Variants in BNC2 observed in about 807,000 individuals in gnomAD.
BNC2 encodes the protein zinc finger protein basonuclin-2.
A neutral mutation model predicts 76.3 loss-of-function variants in BNC2; 20 were observed. That is an observed-to-expected ratio of 0.26 (90% CI 0.18 to 0.38). The LOEUF is 0.38. Ranked by LOEUF, BNC2 falls within the 10% of genes least tolerant of loss-of-function variation. The pLI, the probability that BNC2 is intolerant of heterozygous loss-of-function variation, is 1.00. For missense variants in BNC2, 1,382 were observed against 1,399.8 expected, an observed-to-expected ratio of 0.99 and a Z score of 0.20; for synonymous variants, 582 against 514.8, an observed-to-expected ratio of 1.13 and a Z score of -1.77.
intron 5 of BNC2, among the ~76,000 whole-genome samples, chr9:16,460,967 T>C (rs781419200): frequency 6.6e-6 from 1 of 151,818 alleles, no homozygotes; most frequent in Non-Finnish European, 1.5e-5. Flanking sequence ...AATATGACTG[T>C]ACAACTTGAT....
chr9:16,526,837 T>C (rs560922802), intron 5 of BNC2, among the ~76,000 whole-genome samples: 8 of 152,104 alleles, frequency 5.3e-5, no homozygotes, highest in African/African-American at 1.9e-4. Context: ...GTACCATCCA[T>C]GAAAAAACTT....
rs778384315 is a variant in BNC2 at position 16,738,351 on chromosome 9, C to A, written c.129+9G>T. 2.5e-6 allele frequency: 4 copies of A among 1,612,534 alleles called. No homozygotes were observed. The South Asian group carries it at 4.4e-5, about 18-fold the overall frequency. On this transcript the variant is annotated intron_variant, in intron 2 of 6. Transcript: ENST00000380672. ...GTAACTTAAAGGGGGAAAAAAAAAA[C>A]CAACATACCTCAATTTGAGATGTAT...
intron 3 of BNC2, among the ~76,000 whole-genome samples, chr9:16,605,529 C>T (rs1173017259): frequency 8.5e-5 from 13 of 152,236 alleles, no homozygotes; most frequent in African/African-American, 3.1e-4. Context: ...TAAGCTTCAA[C>T]ATTTTTCTTT....
chr9:16,785,517 C>G (rs958539445), intron 1 of BNC2, among the ~76,000 whole-genome samples: 5 of 151,478 alleles, frequency 3.3e-5, no homozygotes, highest in Non-Finnish European at 5.9e-5. Context: ...GCCTCAGCCT[C>G]CTGAGTTGCT....
At chr9:16,751,706 ATG>A (rs1825216853) in intron 1 of BNC2, among the ~76,000 whole-genome samples, 1 of 103,796 alleles carries the variant, frequency 9.6e-6, no homozygotes, top group African/African-American at 2.7e-5. Context: ...ATATATATAT[ATG>A]TATGTATATA....
intron 4 of BNC2, among the ~76,000 whole-genome samples, chr9:16,569,866 T>G (rs1018062544): frequency 6.6e-6 from 1 of 152,172 alleles, no homozygotes; most frequent in Non-Finnish European, 1.5e-5. Context: ...CTATCCAATC[T>G]CCAGTTGCCT....
intron 1 of BNC2, among the ~76,000 whole-genome samples, chr9:16,761,889 T>C (rs986462630): frequency 7.9e-5 from 12 of 152,148 alleles, no homozygotes; most frequent in African/African-American, 1.7e-4. Flanking sequence ...CCAAGTTACA[T>C]GTAAATGGTG....
intron 1 of BNC2, among the ~76,000 whole-genome samples, chr9:16,854,916 G>A (rs1026374514): frequency 1.3e-5 from 2 of 151,950 alleles, no homozygotes; most frequent in African/African-American, 4.8e-5. Flanking sequence ...TCACTGGAAA[G>A]AATTTCTCTA....
intron 5 of BNC2, among the ~76,000 whole-genome samples, chr9:16,513,456 G>C (rs370491920): frequency 5.9e-5 from 9 of 151,832 alleles, no homozygotes; most frequent in African/African-American, 2.2e-4. Context: ...ACAGGTGCCT[G>C]CCACCATGCC....
chr9:16,550,808 T>A (rs981768855), intron 5 of BNC2, among the ~76,000 whole-genome samples: 3 of 152,198 alleles, frequency 2.0e-5, no homozygotes, highest in African/African-American at 7.2e-5. Flanking sequence ...TGGTTTGGAA[T>A]AAAGAAAGGA....
In BNC2 at chr9:16,409,615, T is replaced by C. The variant is rs539544317; in HGVS notation, c.*9374A>G. On this transcript the variant is annotated 3_prime_UTR_variant, in exon 7 of 7. Transcript: ENST00000380672. ...TTCCATTTACATCCCCAAACCCTTA[T>C]GCATTTTATGCAAAAGACATACTGT... 2.4e-4 allele frequency: 37 copies of C among 152,650 alleles called. No homozygotes were observed. The highest frequency in any genetic ancestry group is 6.5e-4 in the African/African-American group (27 of 41,452). The allele number at this position is 152,650 out of a possible 1,614,324, so 9.5% of individuals were successfully genotyped here.
intron 1 of BNC2, among the ~76,000 whole-genome samples, chr9:16,779,712 A>T (rs1472567809): frequency 2.6e-5 from 4 of 152,338 alleles, no homozygotes; most frequent in African/African-American, 9.6e-5. Flanking sequence ...TGAAAATATA[A>T]AAAGAAGCCA....
intron 4 of BNC2, among the ~76,000 whole-genome samples, chr9:16,557,454 G>A (rs544917524): frequency 1.3e-5 from 2 of 151,588 alleles, no homozygotes; most frequent in South Asian, 2.1e-4. Flanking sequence ...AGCTGAGATC[G>A]TACCACTGCA....
chr9:16,472,930 G>T (rs982171068), intron 5 of BNC2, among the ~76,000 whole-genome samples: 2 of 152,204 alleles, frequency 1.3e-5, no homozygotes, highest in Non-Finnish European at 2.9e-5. Flanking sequence ...GGAAGCATGG[G>T]AAATGGACAT....
chr9:16,653,851 T>C, intron 3 of BNC2, among the ~76,000 whole-genome samples: 1 of 152,148 alleles, frequency 6.6e-6, no homozygotes, highest in East Asian at 1.9e-4. Flanking sequence ...TCTAGGTGAT[T>C]TGTGGCAGAA....
At chr9:16,846,164 A>G (rs187566602) in intron 1 of BNC2, among the ~76,000 whole-genome samples, 152 of 151,974 alleles carry the variant, frequency 1.0e-3, no homozygotes, top group African/African-American at 3.5e-3. Context: ...AAATTAATTT[A>G]GTATAAAATT....
rs34196473 is a variant in BNC2 at position 16,643,305 on chromosome 9, C to CA, written c.331-60221dup. On this transcript the variant is annotated intron_variant, in intron 3 of 6. Coordinates refer to ENST00000380672, the MANE Select transcript of BNC2 (RefSeq NM_017637.6). ...TGGGTGAAAGAGCAAGACTCTGTCTCAAAAAAAAAAAAAAAAATGAGGTAC... is the reference window on the plus strand; with the variant it reads ...TGGGTGAAAGAGCAAGACTCTGTCTCAAAAAAAAAAAAAAAAAATGAGGTAC... Among the ~76,000 whole-genome samples the CA allele has an allele frequency of 8.9e-3, 1,086 of 121,544 alleles. 6 individuals carry two copies. Among genetic ancestry groups the CA allele is most frequent in the Non-Finnish European group, 0.014 (768 of 56,584 alleles). The allele number at this position is 121,544 out of a possible 152,430, so 79.7% of individuals were successfully genotyped here.
chr9:16,516,042 T>C (rs551523897), intron 5 of BNC2, among the ~76,000 whole-genome samples: 1 of 152,174 alleles, frequency 6.6e-6, no homozygotes, highest in Admixed American at 6.5e-5. Flanking sequence ...CTGTAGCTGA[T>C]TCAAGGGAAA....
At chr9:16,779,150 A>AAAAG (rs1826054213) in intron 1 of BNC2, among the ~76,000 whole-genome samples, 1 of 109,082 alleles carries the variant, frequency 9.2e-6, no homozygotes, top group African/African-American at 3.5e-5. Flanking sequence ...GAAAAGAAAA[A>AAAAG]AAAACCAGCC....
Sources: gnomAD v4.1 joint callset for allele counts (sites outside exome capture counted in the v4.1 genomes callset) on GRCh38, gnomAD v4.1.1 for gene constraint, MANE v1.5 for transcripts, NCBI Gene and HGNC (gene_info 2026-07-23, HGNC 2026-07-21) for gene names.